The following GRIK1 variants were observed in gnomAD, a reference collection of about 807,000 sequenced individuals.
The protein encoded by GRIK1 is glutamate receptor ionotropic, kainate 1.
In GRIK1, 69 loss-of-function variants were observed where a neutral mutation model predicts 105.7. The observed-to-expected ratio is 0.65, with a 90% CI of 0.54 to 0.80. GRIK1 has a LOEUF of 0.80. Ranked by LOEUF, GRIK1 falls within the 30% of genes least tolerant of loss-of-function variation. The probability of loss-of-function intolerance (pLI) is 0.00; values close to 1 mark genes in which losing one functional copy is unlikely to be tolerated. For missense variants in GRIK1, 1,109 were observed against 1,167.3 expected (o/e 0.95, Z 0.73); for synonymous variants, 438 against 431.3 (o/e 1.02, Z -0.19).
intron 1 of GRIK1, among the ~76,000 whole-genome samples, chr21:29,846,026 T>C (rs533620256): frequency 3.3e-5 from 5 of 152,302 alleles, no homozygotes; most frequent in Admixed American, 1.3e-4. Context: ...TTCCTGTTTT[T>C]TTCCTCAGCC....
At chr21:29,643,512 G>A (rs1300642158) in intron 6 of GRIK1, among the ~76,000 whole-genome samples, 1 of 152,160 alleles carries the variant, frequency 6.6e-6, no homozygotes. Flanking sequence ...GAAACTCAAC[G>A]GCAAGTTTTG....
chr21:29,540,970 A>ATTT (rs3054285), intron 16 of GRIK1, among the ~76,000 whole-genome samples: 77 of 134,618 alleles, frequency 5.7e-4, no homozygotes, highest in Middle Eastern at 3.9e-3. Flanking sequence ...CTTGCACTTG[A>ATTT]TTTTTTTTTT....
chr21:29,573,526 G>A (rs1003071429), intron 14 of GRIK1, among the ~76,000 whole-genome samples: 2 of 151,740 alleles, frequency 1.3e-5, no homozygotes, highest in East Asian at 3.9e-4. Context: ...GATCACTTGA[G>A]GTCAGGAGTT....
intron 16 of GRIK1, among the ~76,000 whole-genome samples, chr21:29,541,129 G>A (rs151091485): frequency 0.045 from 6,910 of 152,146 alleles, 209 homozygotes; most frequent in Admixed American, 0.11. Flanking sequence ...CACCACACGC[G>A]GCTAATTTTT....
intron 1 of GRIK1, among the ~76,000 whole-genome samples, chr21:29,776,739 TC>T (rs2065954013): frequency 6.6e-6 from 1 of 152,228 alleles, no homozygotes; most frequent in Non-Finnish European, 1.5e-5. Context: ...TGTGGACTTT[TC>T]AATGAAAACC....
At chr21:29,856,149 A>G (rs1299453894) in intron 1 of GRIK1, among the ~76,000 whole-genome samples, 3 of 152,120 alleles carry the variant, frequency 2.0e-5, no homozygotes, top group Middle Eastern at 3.2e-3. Context: ...GTGGGTGTTT[A>G]GTATCATGGG....
At chr21:29,710,524 CTTAG>C (rs2064018891) in intron 1 of GRIK1, among the ~76,000 whole-genome samples, 1 of 151,910 alleles carries the variant, frequency 6.6e-6, no homozygotes, top group Non-Finnish European at 1.5e-5. Context: ...AACATTTTTC[CTTAG>C]TTATTGATAT....
At chr21:29,551,857 A>C (rs573946443) in intron 16 of GRIK1, among the ~76,000 whole-genome samples, 3 of 152,276 alleles carry the variant, frequency 2.0e-5, no homozygotes, top group African/African-American at 7.2e-5. Context: ...AATCCATGAA[A>C]TATGAAACTA....
intron 1 of GRIK1, among the ~76,000 whole-genome samples, chr21:29,837,546 G>C (rs541210984): frequency 6.6e-6 from 1 of 152,118 alleles, no homozygotes; most frequent in Non-Finnish European, 1.5e-5. Flanking sequence ...CAATGGGGGG[G>C]AATGACAGCA....
intron 7 of GRIK1, among the ~76,000 whole-genome samples, chr21:29,623,084 T>C (rs556862542): frequency 6.6e-6 from 1 of 152,308 alleles, no homozygotes; most frequent in South Asian, 2.1e-4. Flanking sequence ...TACCTGAGAT[T>C]GGGTAATTTA....
In GRIK1 at chr21:29,560,507, C is replaced by CTTTCTTTCTTTCTTT. The variant is rs1568815221; in HGVS notation, c.2356+1116_2356+1117insAAAGAAAGAAAGAAA. On this transcript the variant is annotated intron_variant, in intron 15 of 17. Transcript: ENST00000327783. ...CCTTTCTTTCTTTCTTTCCTTCCTT[C>CTTTCTTTCTTTCTTT]CTTCCTTCCTTCCTTTCTTTCTTTC... Among the ~76,000 whole-genome samples, 237 of 30,116 alleles carry CTTTCTTTCTTTCTTT rather than the reference C, an allele frequency of 7.9e-3. 61 individuals are homozygous for CTTTCTTTCTTTCTTT. Among genetic ancestry groups the CTTTCTTTCTTTCTTT allele is most frequent in the East Asian group, 0.02 (24 of 1,204 alleles). The allele number at this position is 30,116 out of a possible 152,430, so 19.8% of individuals were successfully genotyped here.
At chr21:29,558,376 TCACA>T (rs35594883) in intron 15 of GRIK1, among the ~76,000 whole-genome samples, 23 of 147,018 alleles carry the variant, frequency 1.6e-4, no homozygotes, top group East Asian at 9.9e-4. Flanking sequence ...TATATATATT[TCACA>T]CACACACACA....
chr21:29,825,982 G>C (rs1372165854), intron 1 of GRIK1, among the ~76,000 whole-genome samples: 1 of 152,060 alleles, frequency 6.6e-6, no homozygotes, highest in Non-Finnish European at 1.5e-5. Context: ...AAGTAACTTG[G>C]AGCCTCCTCT....
At chr21:29,575,779 C>A (rs1171239762) in intron 14 of GRIK1, among the ~76,000 whole-genome samples, 2 of 152,136 alleles carry the variant, frequency 1.3e-5, no homozygotes, top group African/African-American at 4.8e-5. Context: ...TTGCAGCGAG[C>A]CAAGATCGCG....
chr21:29,915,611 G>A (rs1840222749), intron 1 of GRIK1, among the ~76,000 whole-genome samples: 1 of 151,962 alleles, frequency 6.6e-6, no homozygotes, highest in African/African-American at 2.4e-5. Context: ...TTTACTGCGG[G>A]AACATGTTGT....
chr21:29,848,074 T>C (rs887391832), intron 1 of GRIK1, among the ~76,000 whole-genome samples: 7 of 151,940 alleles, frequency 4.6e-5, no homozygotes, highest in African/African-American at 1.7e-4. Context: ...TTATTAAAAG[T>C]TTTTTTCTAA....
chr21:29,778,705 A>G (rs1601672265), intron 1 of GRIK1, among the ~76,000 whole-genome samples: 1 of 152,200 alleles, frequency 6.6e-6, no homozygotes, highest in Non-Finnish European at 1.5e-5. Flanking sequence ...TAAAAATGTG[A>G]CAAAAATTAA....
chr21:29,905,820 A>G (rs894390652), intron 1 of GRIK1, among the ~76,000 whole-genome samples: 2 of 151,424 alleles, frequency 1.3e-5, no homozygotes, highest in Non-Finnish European at 2.9e-5. Flanking sequence ...TAGAGACGGG[A>G]TTTTGCCATG....
chr21:29,544,578 T>C (rs1372223587), intron 16 of GRIK1, among the ~76,000 whole-genome samples: 3 of 152,144 alleles, frequency 2.0e-5, no homozygotes, highest in Non-Finnish European at 2.9e-5. Context: ...GTAGGGATGA[T>C]ATAGAAAGAA....
Sources: allele counts gnomAD v4.1 joint callset (sites outside exome capture counted in the v4.1 genomes callset), GRCh38; gene constraint gnomAD v4.1.1; transcripts MANE v1.5; gene names NCBI Gene and HGNC (gene_info 2026-07-23, HGNC 2026-07-21).